Variants in HSF2BP observed in about 807,000 individuals in gnomAD.
HSF2BP encodes heat shock transcription factor 2 binding protein, also known as heat shock factor 2-binding protein.
A neutral mutation model predicts 35.0 loss-of-function variants in HSF2BP; 35 were observed. That is an observed-to-expected ratio of 1.00 (90% CI 0.76 to 1.32). The LOEUF (loss-of-function observed/expected upper bound fraction) is 1.32, where lower values mean the gene tolerates loss of function less well. Among genes scored for constraint, HSF2BP ranks in the 40% most tolerant of loss-of-function variants. HSF2BP has a pLI of 0.00. For missense variants in HSF2BP, 326 were observed against 321.7 expected (o/e 1.01, Z -0.10); for synonymous variants, 114 against 117.4 (o/e 0.97, Z 0.18).
At chr21:43,657,953 C>T (rs2082900365) in intron 2 of HSF2BP, 108 bp downstream of exon 2, 3 of 1,517,802 alleles carry the variant, frequency 2.0e-6, no homozygotes, top group Admixed American at 2.0e-5. Context: ...CAGGCTTCCC[C>T]CAAGCACGCG....
chr21:43,609,543 C>T (rs954310820), intron 7 of HSF2BP, among the ~76,000 whole-genome samples: 2 of 152,034 alleles, frequency 1.3e-5, no homozygotes, highest in Non-Finnish European at 2.9e-5. Context: ...ATGAAAGTGG[C>T]AGTGAAAGTG....
At chr21:43,656,810 TTTTC>T (rs2082876449) in intron 2 of HSF2BP, 73 bp from the exon 3 acceptor site, 1 of 1,338,106 alleles carries the variant, frequency 7.5e-7, no homozygotes, top group Non-Finnish European at 1.0e-6. Flanking sequence ...GTTAACTTGC[TTTTC>T]TTTCACACCT....
intron 6 of HSF2BP, among the ~76,000 whole-genome samples, chr21:43,624,598 T>C (rs2082367920): frequency 6.6e-6 from 1 of 152,168 alleles, no homozygotes; most frequent in Non-Finnish European, 1.5e-5. Context: ...CTGGTAACTT[T>C]GTGTAACTAG....
Position 43,658,204 on chromosome 21 carries a change from C to A in HSF2BP, c.-108G>T. ...ACGCCGGGGGTCGGGAACGGAGAGCCGCCAGGCCCAAACCTCCCAGAATTT... is the reference window on the plus strand; with the variant it reads ...ACGCCGGGGGTCGGGAACGGAGAGCAGCCAGGCCCAAACCTCCCAGAATTT... On this transcript the variant is annotated 5_prime_UTR_variant, in exon 2 of 9. Coordinates refer to ENST00000291560, the MANE Select transcript of HSF2BP (RefSeq NM_007031.2). The A allele has an allele frequency of 7.7e-7, 1 of 1,302,040 alleles. No individual in the cohort carries two copies. Among genetic ancestry groups the A allele is most frequent in the South Asian group, 1.5e-5 (1 of 64,916 alleles). 80.7% of individuals were successfully genotyped at this position (1,302,040 alleles called of 1,614,324 possible). A position where few individuals can be genotyped will look rare whatever the true frequency, so the allele number is the denominator to read the frequency against.
At chr21:43,608,500 GA>G (rs1568909222) in intron 7 of HSF2BP, among the ~76,000 whole-genome samples, 2 of 152,168 alleles carry the variant, frequency 1.3e-5, no homozygotes, top group Admixed American at 1.3e-4. Context: ...CTGTTGGTGG[GA>G]ATGTAAATTA....
chr21:43,634,578 G>C (rs1292388495), intron 4 of HSF2BP, among the ~76,000 whole-genome samples: 2 of 152,134 alleles, frequency 1.3e-5, no homozygotes, highest in Non-Finnish European at 2.9e-5. Flanking sequence ...GGGAGCTTTG[G>C]AGCCACAAAT....
At chr21:43,582,298 A>AG (rs2081760706) in intron 8 of HSF2BP, among the ~76,000 whole-genome samples, 2 of 59,098 alleles carry the variant, frequency 3.4e-5, no homozygotes, top group Non-Finnish European at 3.1e-5. Context: ...AGGGGGATGA[A>AG]GACCTGCTGT....
intron 4 of HSF2BP, among the ~76,000 whole-genome samples, chr21:43,640,251 T>C (rs140460850): frequency 2.5e-3 from 381 of 152,340 alleles, no homozygotes; most frequent in African/African-American, 8.5e-3. Flanking sequence ...CTGTGAGCCA[T>C]GATCCTGCCA....
intron 7 of HSF2BP, among the ~76,000 whole-genome samples, chr21:43,606,037 AG>A (rs2082131282): frequency 6.6e-6 from 1 of 152,158 alleles, no homozygotes; most frequent in Non-Finnish European, 1.5e-5. Context: ...TCTGTGCAGC[AG>A]GAAGTAAAGC....
intron 4 of HSF2BP, among the ~76,000 whole-genome samples, chr21:43,638,920 C>T (rs775913084): frequency 6.6e-6 from 1 of 152,160 alleles, no homozygotes; most frequent in African/African-American, 2.4e-5. Context: ...TATGTCGCTA[C>T]AGTAATCAGA....
chr21:43,643,607 A>G (rs2082668233), intron 4 of HSF2BP, among the ~76,000 whole-genome samples: 1 of 152,204 alleles, frequency 6.6e-6, no homozygotes, highest in South Asian at 2.1e-4. Flanking sequence ...AAAGATGCCC[A>G]ATCTTGAACC....
chr21:43,618,211 G>A (rs1023939594), intron 6 of HSF2BP, among the ~76,000 whole-genome samples: 14 of 151,942 alleles, frequency 9.2e-5, no homozygotes, highest in African/African-American at 3.4e-4. Context: ...AGCGAATTAT[G>A]ATCAGGCCAC....
chr21:43,650,214 AT>A (rs959750302), intron 3 of HSF2BP, among the ~76,000 whole-genome samples: 73 of 150,402 alleles, frequency 4.9e-4, no homozygotes, highest in African/African-American at 1.7e-3. Context: ...CTATTATATA[AT>A]TTTTTTTTTG....
chr21:43,595,528 C>T (rs1034853279), intron 7 of HSF2BP, among the ~76,000 whole-genome samples: 5 of 151,724 alleles, frequency 3.3e-5, no homozygotes, highest in Admixed American at 6.6e-5. Context: ...CATGATGGCA[C>T]GCCCCTGTGG....
At position 43,580,374 on chromosome 21, in the gene HSF2BP, T is replaced by G. The variant is rs749725006; in HGVS notation, c.796+11851A>C. ...CGCTCAGCTTGTCAGACTGGACATA[T>G]GCAGGCCAAATGTTTTTTGACATCC... is the stretch of plus-strand genomic sequence containing the variant. On this transcript the variant is annotated intron_variant, in intron 8 of 8. Coordinates refer to ENST00000291560, the MANE Select transcript of HSF2BP (RefSeq NM_007031.2). 2.6e-5 allele frequency among the ~76,000 whole-genome samples: 4 copies of G among 152,342 alleles called. No individual in the cohort carries two copies. In the South Asian group the frequency reaches 8.3e-4, roughly 32 times the overall value.
intron 7 of HSF2BP, among the ~76,000 whole-genome samples, chr21:43,601,009 CT>C: frequency 6.6e-6 from 1 of 152,306 alleles, no homozygotes; most frequent in Non-Finnish European, 1.5e-5. Context: ...TATATGCCAA[CT>C]TTTTAACTAA....
At chr21:43,618,580 T>G (rs559000424) in intron 6 of HSF2BP, among the ~76,000 whole-genome samples, 3 of 152,018 alleles carry the variant, frequency 2.0e-5, no homozygotes, top group African/African-American at 7.3e-5. Flanking sequence ...AGGAAGGAAG[T>G]TGAATACCTA....
chr21:43,640,557 C>T (rs1380134737), intron 4 of HSF2BP, among the ~76,000 whole-genome samples: 2 of 152,182 alleles, frequency 1.3e-5, no homozygotes, highest in African/African-American at 2.4e-5. Flanking sequence ...TGAGTACATA[C>T]AGAATTGATG....
At chr21:43,610,626 C>T (rs1278839204) in intron 7 of HSF2BP, among the ~76,000 whole-genome samples, 1 of 151,808 alleles carries the variant, frequency 6.6e-6, no homozygotes, top group Admixed American at 6.6e-5. Context: ...CCCCCGGCAC[C>T]TCTCTCTCCA....
Sources: gnomAD v4.1 joint callset for allele counts (sites outside exome capture counted in the v4.1 genomes callset) on GRCh38, gnomAD v4.1.1 for gene constraint, MANE v1.5 for transcripts, NCBI Gene and HGNC (gene_info 2026-07-23, HGNC 2026-07-21) for gene names.